The following DPP6 variants were observed in gnomAD, a reference collection of about 807,000 sequenced individuals.
DPP6 encodes the protein A-type potassium channel modulatory protein DPP6.
A neutral mutation model predicts 122.6 loss-of-function variants in DPP6; 69 were observed. The ratio of observed to expected loss-of-function variants is 0.56; its 90% CI spans 0.46 to 0.69. The LOEUF (loss-of-function observed/expected upper bound fraction) is 0.69, where lower values mean the gene tolerates loss of function less well. Ranked by LOEUF, DPP6 falls within the 30% of genes least tolerant of loss-of-function variation. DPP6 has a pLI of 0.00. For synonymous variants in DPP6, 418 were observed against 433.1 expected (o/e 0.97, Z 0.43); for missense variants, 928 against 1,116.9 (o/e 0.83, Z 2.41).
At chr7:154,416,577 T>C (rs942027252) in intron 1 of DPP6, among the ~76,000 whole-genome samples, 1 of 152,172 alleles carries the variant, frequency 6.6e-6, no homozygotes, top group Non-Finnish European at 1.5e-5. Context: ...CACTGTATCA[T>C]AGCTATGTAT....
chr7:154,050,532 T>A (rs1170275116), upstream of DPP6, among the ~76,000 whole-genome samples: 1 of 151,814 alleles, frequency 6.6e-6, no homozygotes, highest in Non-Finnish European at 1.5e-5. Context: ...TGAGCTTTCT[T>A]TCATGTCCAT....
rs960665956 is a variant in DPP6 at position 154,843,508 on chromosome 7, T to G, written c.1667-10272T>G. 2.0e-5 allele frequency among the ~76,000 whole-genome samples: 3 copies of G among 152,338 alleles called. No individual in the cohort carries two copies. The East Asian group carries it at 5.8e-4, about 29-fold the overall frequency. ...CACCATCTGCTTCCATCCTTTCCCATGACCATGGCAAATGTTGACATTGCA... is the reference window on the plus strand; with the variant it reads ...CACCATCTGCTTCCATCCTTTCCCAGGACCATGGCAAATGTTGACATTGCA... On this transcript the variant is annotated intron_variant, in intron 16 of 25. Transcript: ENST00000377770.
chr7:154,387,840 C>T (rs1283974689), intron 1 of DPP6, among the ~76,000 whole-genome samples: 2 of 152,208 alleles, frequency 1.3e-5, no homozygotes, highest in Non-Finnish European at 2.9e-5. Context: ...TACGCCATAC[C>T]TTCCCCGACT....
chr7:153,862,455 T>C, the DPP6 span, among the ~76,000 whole-genome samples: 1 of 152,160 alleles, frequency 6.6e-6, no homozygotes, highest in East Asian at 1.9e-4. Flanking sequence ...TGCAGTTAAT[T>C]ATTAACTGTC....
intron 1 of DPP6, among the ~76,000 whole-genome samples, chr7:154,064,905 A>G (rs1802579114): frequency 6.6e-6 from 1 of 152,164 alleles, no homozygotes; most frequent in African/African-American, 2.4e-5. Context: ...CTGGCCAGGG[A>G]GGGAATCTCC....
intron 8 of DPP6, among the ~76,000 whole-genome samples, chr7:154,756,730 T>G (rs1378644836): frequency 6.6e-6 from 1 of 152,184 alleles, no homozygotes; most frequent in African/African-American, 2.4e-5. Flanking sequence ...CTTGTCCATA[T>G]TCTCCTTCCT....
intron 1 of DPP6, chr7:154,094,997 C>T (rs1177079950): frequency 6.6e-6 from 1 of 152,412 alleles, no homozygotes; most frequent in African/African-American, 2.4e-5. Context: ...GGAATTTCCA[C>T]TCCAGGGAGG....
rs183019858 is a variant in DPP6 at position 154,272,142 on chromosome 7, A to G, written c.244-174072A>G. Among the ~76,000 whole-genome samples the G allele has an allele frequency of 8.5e-5, 13 of 152,352 alleles. No homozygotes were observed. The East Asian group carries it at 2.5e-3, about 29-fold the overall frequency. On this transcript the variant is annotated intron_variant, in intron 1 of 25. Transcript: ENST00000377770. ...GTTCACTTTCAATTCCCTGGCTGCC[A>G]GCACAGTGCCTTGAACTGAACTGAG...
intron 1 of DPP6, among the ~76,000 whole-genome samples, chr7:154,229,118 A>G (rs1180579041): frequency 1.3e-5 from 2 of 152,050 alleles, no homozygotes; most frequent in East Asian, 1.9e-4. Context: ...ATAATAACAC[A>G]TTATAGTTAT....
At chr7:154,233,592 G>A (rs1801033266) in intron 1 of DPP6, among the ~76,000 whole-genome samples, 1 of 152,178 alleles carries the variant, frequency 6.6e-6, no homozygotes, top group African/African-American at 2.4e-5. Context: ...TGCCATGTGA[G>A]ATGGAGGCAG....
chr7:153,771,138 TATAA>T, the DPP6 span, among the ~76,000 whole-genome samples: 2 of 152,150 alleles, frequency 1.3e-5, no homozygotes, highest in Non-Finnish European at 2.9e-5. Flanking sequence ...AAGAATACTC[TATAA>T]ATAAATGCCA....
chr7:153,782,076 G>A, the DPP6 span, among the ~76,000 whole-genome samples: 1 of 150,300 alleles, frequency 6.7e-6, no homozygotes, highest in African/African-American at 2.5e-5. Flanking sequence ...TAGACACCAT[G>A]GTTTTCTCTT....
At chr7:154,793,723 G>T (rs891078799) in intron 10 of DPP6, 14 of 172,218 alleles carry the variant, frequency 8.1e-5, no homozygotes, top group Admixed American at 1.9e-4. Flanking sequence ...GGTTAGTTGT[G>T]CGTTTGCCTG....
the DPP6 span, among the ~76,000 whole-genome samples, chr7:153,853,225 C>A: frequency 6.6e-6 from 1 of 152,348 alleles, no homozygotes; most frequent in Non-Finnish European, 1.5e-5. Flanking sequence ...TTCAGGCTTG[C>A]TCCCATGTCT....
chr7:154,864,037 A>G (rs1350381268), intron 17 of DPP6, among the ~76,000 whole-genome samples: 1 of 152,140 alleles, frequency 6.6e-6, no homozygotes, highest in Non-Finnish European at 1.5e-5. Flanking sequence ...GTGAGCAGAA[A>G]TACAGCAGGA....
intron 3 of DPP6, among the ~76,000 whole-genome samples, chr7:154,532,434 G>C (rs1157982656): frequency 6.6e-6 from 1 of 151,964 alleles, no homozygotes; most frequent in African/African-American, 2.4e-5. Flanking sequence ...TAACAAGCTA[G>C]AAGAAAAGAA....
At chr7:153,983,307 C>A (rs917474431) in intron 1 of DPP6, among the ~76,000 whole-genome samples, 1 of 152,242 alleles carries the variant, frequency 6.6e-6, no homozygotes, top group Non-Finnish European at 1.5e-5. Flanking sequence ...GCCATGGGCT[C>A]CGCCCAGTCT....
At chr7:154,058,493 C>CCCCGCGAGGCA (rs1801134084) in intron 1 of DPP6, 1 of 142,178 alleles carries the variant, frequency 7.0e-6, no homozygotes, top group East Asian at 2.2e-4. Flanking sequence ...GGGAGGCACC[C>CCCCGCGAGGCA]TCCGCGAGGC....
At chr7:154,262,769 T>A (rs893922486) in intron 1 of DPP6, among the ~76,000 whole-genome samples, 1 of 152,100 alleles carries the variant, frequency 6.6e-6, no homozygotes, top group Admixed American at 6.5e-5. Context: ...TAATGCAGCT[T>A]CTCTGATTTT....
Sources: allele counts gnomAD v4.1 joint callset (sites outside exome capture counted in the v4.1 genomes callset), GRCh38; gene constraint gnomAD v4.1.1; transcripts MANE v1.5; gene names NCBI Gene and HGNC (gene_info 2026-07-23, HGNC 2026-07-21).